The following UBAP1 variants were observed in gnomAD, a reference collection of about 807,000 sequenced individuals.
UBAP1 encodes ubiquitin associated protein 1.
Under a neutral mutation model 39.0 loss-of-function variants are expected in UBAP1, and 5 were observed. That is an observed-to-expected ratio of 0.13 (90% CI 0.07 to 0.27). The LOEUF (loss-of-function observed/expected upper bound fraction) is 0.27. UBAP1 is among the 10% of genes least tolerant of loss of function. The pLI, the probability that UBAP1 is intolerant of heterozygous loss-of-function variation, is 1.00. For synonymous variants in UBAP1, 211 were observed against 225.1 expected (o/e 0.94, Z 0.56); for missense variants, 490 against 608.1 (o/e 0.81, Z 2.04).
chr9:34,234,440 A>T, intron 3 of UBAP1, 100 bp downstream of exon 3: 1 of 1,379,714 alleles, frequency 7.2e-7, no homozygotes, highest in Non-Finnish European at 9.8e-7. Context: ...TGTGAGCTGA[A>T]TCATGTTTTG....
At chr9:34,221,989 C>T (rs1832785471) in intron 2 of UBAP1, among the ~76,000 whole-genome samples, 1 of 152,108 alleles carries the variant, frequency 6.6e-6, no homozygotes, top group African/African-American at 2.4e-5. Flanking sequence ...ATCAGCCAGG[C>T]ACAGTGGCAT....
At chr9:34,212,392 AACACACACACACACAC>A (rs35251034) in intron 1 of UBAP1, among the ~76,000 whole-genome samples, 1 of 142,170 alleles carries the variant, frequency 7.0e-6, no homozygotes, top group South Asian at 2.4e-4. Flanking sequence ...TTTCTATTAA[AACACACACACACACAC>A]ACACACACAC....
chr9:34,214,823 T>A (rs1832208984), intron 1 of UBAP1, among the ~76,000 whole-genome samples: 2 of 151,878 alleles, frequency 1.3e-5, no homozygotes. Flanking sequence ...GCTAAGGACA[T>A]GAATAGACAG....
chr9:34,182,670 TC>T (rs764344780), intron 1 of UBAP1, among the ~76,000 whole-genome samples: 3,806 of 48,792 alleles, frequency 0.078, 168 homozygotes, highest in Non-Finnish European at 0.16. Context: ...TTTCTTTCTT[TC>T]TTTCTTTCTT....
intron 3 of UBAP1, among the ~76,000 whole-genome samples, chr9:34,240,270 CT>C (rs1833893851): frequency 6.6e-6 from 1 of 152,284 alleles, no homozygotes; most frequent in South Asian, 2.1e-4. Flanking sequence ...CTAGGCTTCT[CT>C]TTTGTTGTTT....
chr9:34,182,683 CTCTCTCTCTTTCTTT>C (rs1830151093), intron 1 of UBAP1, among the ~76,000 whole-genome samples: 1 of 94,472 alleles, frequency 1.1e-5, no homozygotes, highest in Non-Finnish European at 2.2e-5. Flanking sequence ...TTCTTTCTTT[CTCTCTCTCTTTCTTT>C]TCTTTTCTTT....
chr9:34,237,361 G>A (rs893706551), intron 3 of UBAP1, among the ~76,000 whole-genome samples: 1 of 152,092 alleles, frequency 6.6e-6, no homozygotes, highest in Admixed American at 6.5e-5. Context: ...TTTTAAAAAT[G>A]CAGCTTTCAG....
At chr9:34,182,665 T>TC (rs1563881197) in intron 1 of UBAP1, among the ~76,000 whole-genome samples, 15 of 60,806 alleles carry the variant, frequency 2.5e-4, no homozygotes, top group African/African-American at 6.5e-4. Context: ...CTTTCTTTCT[T>TC]TCTTTCTTTC....
intron 6 of UBAP1, 87 bp downstream of exon 6, chr9:34,250,846 C>A (rs757652606): frequency 1.3e-5 from 15 of 1,156,884 alleles, no homozygotes; most frequent in African/African-American, 1.2e-4. Context: ...CCACACACAA[C>A]CTTTTTGCTT....
upstream of UBAP1, chr9:34,179,015 A>G (rs776505356): frequency 1.6e-6 from 2 of 1,257,058 alleles, no homozygotes; most frequent in Non-Finnish European, 2.0e-6. Flanking sequence ...AGACGCCCAA[A>G]TGAGTGGGGC....
intron 1 of UBAP1, among the ~76,000 whole-genome samples, chr9:34,182,669 T>TC (rs1563881247): frequency 5.9e-4 from 28 of 47,120 alleles, no homozygotes; most frequent in African/African-American, 1.4e-3. Flanking sequence ...CTTTCTTTCT[T>TC]TCTTTCTTTC....
chr9:34,224,796 G>A (rs1012703885), intron 2 of UBAP1, among the ~76,000 whole-genome samples: 14 of 152,184 alleles, frequency 9.2e-5, no homozygotes, highest in Admixed American at 3.9e-4. Context: ...GCTCTCTCAA[G>A]GCTAAAATTA....
chr9:34,210,824 T>A (rs1831979719), intron 1 of UBAP1, among the ~76,000 whole-genome samples: 1 of 152,072 alleles, frequency 6.6e-6, no homozygotes, highest in Non-Finnish European at 1.5e-5. Flanking sequence ...TATATTTAAT[T>A]CACCAACCTT....
At chr9:34,191,229 A>G (rs1032376431) in intron 1 of UBAP1, among the ~76,000 whole-genome samples, 1 of 152,124 alleles carries the variant, frequency 6.6e-6, no homozygotes, top group Admixed American at 6.6e-5. Context: ...ATTAAAATGT[A>G]GATTCTGAGT....
intron 1 of UBAP1, among the ~76,000 whole-genome samples, chr9:34,193,469 G>C (rs540414176): frequency 6.6e-6 from 1 of 152,064 alleles, no homozygotes; most frequent in South Asian, 2.1e-4. Context: ...ACACCAGCTC[G>C]GTGTTCTCCA....
intron 1 of UBAP1, among the ~76,000 whole-genome samples, chr9:34,181,663 ACCTCGTGATCCGCCCGCCTTGG>A (rs1319093725): frequency 7.1e-6 from 1 of 140,636 alleles, no homozygotes; most frequent in Non-Finnish European, 1.5e-5. Context: ...CGATCTCCTG[ACCTCGTGATCCGCCCGCCTTGG>A]CCTCCCAAAG....
intron 1 of UBAP1, among the ~76,000 whole-genome samples, chr9:34,212,601 G>A (rs1832080464): frequency 6.6e-6 from 1 of 152,120 alleles, no homozygotes; most frequent in Non-Finnish European, 1.5e-5. Flanking sequence ...TAGATAATAG[G>A]AGAGTATTGT....
At chr9:34,237,046 C>T (rs10972013) in intron 3 of UBAP1, among the ~76,000 whole-genome samples, 57,029 of 151,910 alleles carry the variant, frequency 0.38, 11,730 homozygotes, top group East Asian at 0.89. Context: ...CCGTTCAAAT[C>T]TATTCTAGAT....
chr9:34,230,499 G>A (rs1833352486), intron 2 of UBAP1, among the ~76,000 whole-genome samples: 1 of 152,282 alleles, frequency 6.6e-6, no homozygotes, highest in South Asian at 2.1e-4. Flanking sequence ...TAGTGCCAAA[G>A]TTTCAGCTTT....
Sources: gnomAD v4.1 joint callset for allele counts (sites outside exome capture counted in the v4.1 genomes callset) on GRCh38, gnomAD v4.1.1 for gene constraint, MANE v1.5 for transcripts, NCBI Gene and HGNC (gene_info 2026-07-23, HGNC 2026-07-21) for gene names.